AUTS2: variants seen among roughly 807,000 people sequenced by gnomAD.
The protein encoded by AUTS2 is activator of transcription and developmental regulator AUTS2.
A neutral mutation model predicts 112.4 loss-of-function variants in AUTS2; 17 were observed. That is an observed-to-expected ratio of 0.15 (90% CI 0.10 to 0.23). The LOEUF is 0.23. Ranked by LOEUF, AUTS2 falls within the 10% of genes least tolerant of loss-of-function variation. AUTS2 has a pLI of 1.00. For synonymous variants in AUTS2, 751 were observed against 702.7 expected (o/e 1.07, Z -1.09); for missense variants, 1,510 against 1,701.6 (o/e 0.89, Z 1.98).
chr7:70,108,764 A>C (rs1804904583), intron 2 of AUTS2, among the ~76,000 whole-genome samples: 1 of 137,344 alleles, frequency 7.3e-6, no homozygotes, highest in Admixed American at 7.7e-5. Context: ...GGAGTTCCAG[A>C]CCAGCCTGGC....
intron 12 of AUTS2, 83 bp from the exon 13 acceptor site, chr7:70,775,274 C>T (rs1218327949): frequency 8.8e-7 from 1 of 1,130,874 alleles, no homozygotes; most frequent in Non-Finnish European, 1.3e-6. Context: ...ATTTCCCCTC[C>T]TAATGAAGCA....
At chr7:69,753,518 C>T (rs1203993400) in intron 1 of AUTS2, among the ~76,000 whole-genome samples, 2 of 152,032 alleles carry the variant, frequency 1.3e-5, no homozygotes, top group Non-Finnish European at 2.9e-5. Flanking sequence ...TAGGCTCTGC[C>T]CCTTTGGCTA....
At chr7:70,049,213 A>AT (rs1187942612) in intron 2 of AUTS2, among the ~76,000 whole-genome samples, 2 of 152,226 alleles carry the variant, frequency 1.3e-5, no homozygotes, top group African/African-American at 4.8e-5. Flanking sequence ...TTTTTAATTT[A>AT]TATAGTCACA....
intron 1 of AUTS2, among the ~76,000 whole-genome samples, chr7:69,694,926 C>G (rs1797491568): frequency 6.6e-6 from 1 of 152,152 alleles, no homozygotes. Context: ...CTTTATAAAG[C>G]AGGAAAACCC....
At chr7:69,760,160 T>A (rs76087990) in intron 1 of AUTS2, among the ~76,000 whole-genome samples, 1 of 150,190 alleles carries the variant, frequency 6.7e-6, no homozygotes, top group African/African-American at 2.4e-5. Flanking sequence ...TTACTGAGTT[T>A]AATTGGAGAT....
chr7:70,377,589 C>T (rs143109239), intron 4 of AUTS2, among the ~76,000 whole-genome samples: 1,955 of 151,260 alleles, frequency 0.013, 24 homozygotes, highest in Middle Eastern at 0.048. Flanking sequence ...GAACATTTTT[C>T]GTCTTCCCAA....
At chr7:70,173,050 T>C (rs1808785526) in intron 4 of AUTS2, among the ~76,000 whole-genome samples, 1 of 152,144 alleles carries the variant, frequency 6.6e-6, no homozygotes, top group Admixed American at 6.5e-5. Flanking sequence ...TTTCTTCCTA[T>C]TGAATTCTTT....
chr7:70,149,892 G>T (rs1807335832), intron 4 of AUTS2, among the ~76,000 whole-genome samples: 1 of 151,720 alleles, frequency 6.6e-6, no homozygotes, highest in South Asian at 2.1e-4. Context: ...TTTGGTCAAA[G>T]AAAAATAAAG....
chr7:70,534,286 G>A (rs1422199339), intron 5 of AUTS2, among the ~76,000 whole-genome samples: 3 of 152,172 alleles, frequency 2.0e-5, no homozygotes, highest in Non-Finnish European at 2.9e-5. Context: ...GATTTCTGAC[G>A]CCTGGGAGGG....
intron 5 of AUTS2, among the ~76,000 whole-genome samples, chr7:70,456,384 A>G (rs4718953): frequency 3.3e-5 from 5 of 152,284 alleles, no homozygotes; most frequent in Admixed American, 3.3e-4. Flanking sequence ...AATAACATCT[A>G]TCCAAATGAA....
chr7:70,257,229 C>T (rs1364168410), intron 4 of AUTS2, among the ~76,000 whole-genome samples: 1 of 152,200 alleles, frequency 6.6e-6, no homozygotes, highest in Non-Finnish European at 1.5e-5. Flanking sequence ...CAACCTCGAC[C>T]TCCTGGACTC....
intron 1 of AUTS2, among the ~76,000 whole-genome samples, chr7:69,708,744 T>A (rs1157058354): frequency 6.6e-6 from 1 of 152,214 alleles, no homozygotes; most frequent in South Asian, 2.1e-4. Flanking sequence ...AAGAAAGACA[T>A]GTTTTTGTGA....
chr7:70,742,778 A>G (rs1317193018), intron 6 of AUTS2, among the ~76,000 whole-genome samples: 1 of 152,178 alleles, frequency 6.6e-6, no homozygotes, highest in East Asian at 1.9e-4. Context: ...GTGGAATTTC[A>G]CCTCATATCA....
intron 4 of AUTS2, among the ~76,000 whole-genome samples, chr7:70,424,169 G>A (rs1182281569): frequency 6.6e-6 from 1 of 152,126 alleles, no homozygotes; most frequent in Non-Finnish European, 1.5e-5. Flanking sequence ...GTCAGAATTT[G>A]AACCTACGTC....
intron 3 of AUTS2, among the ~76,000 whole-genome samples, chr7:70,126,777 TG>T (rs1246216762): frequency 3.9e-5 from 6 of 152,220 alleles, no homozygotes; most frequent in Non-Finnish European, 5.9e-5. Context: ...ATAGAAGTTC[TG>T]CTATTTATTG....
At chr7:69,795,716 G>A (rs1789812535) in intron 1 of AUTS2, among the ~76,000 whole-genome samples, 1 of 152,168 alleles carries the variant, frequency 6.6e-6, no homozygotes, top group Admixed American at 6.5e-5. Context: ...GGGGAAATAG[G>A]AAATTAATTA....
chr7:70,432,827 C>T (rs562786997), intron 4 of AUTS2, among the ~76,000 whole-genome samples: 2 of 152,300 alleles, frequency 1.3e-5, no homozygotes, highest in South Asian at 2.1e-4. Flanking sequence ...GCTGAGCTCA[C>T]GGCAAAGTCC....
chr7:70,491,251 T>C (rs532191360), intron 5 of AUTS2, among the ~76,000 whole-genome samples: 1 of 152,146 alleles, frequency 6.6e-6, no homozygotes, highest in East Asian at 1.9e-4. Context: ...CTTTCATCTG[T>C]CCTATTATTC....
chr7:70,017,563 G>C (rs1800083971), intron 2 of AUTS2, among the ~76,000 whole-genome samples: 1 of 152,256 alleles, frequency 6.6e-6, no homozygotes, highest in East Asian at 1.9e-4. Context: ...CCATGTACAG[G>C]CTTCAGAGCT....
Sources: gnomAD v4.1 joint callset for allele counts (sites outside exome capture counted in the v4.1 genomes callset) on GRCh38, gnomAD v4.1.1 for gene constraint, MANE v1.5 for transcripts, NCBI Gene and HGNC (gene_info 2026-07-23, HGNC 2026-07-21) for gene names.